Variants in ARMC2 observed in about 807,000 individuals in gnomAD.
ARMC2 encodes armadillo repeat containing 2.
In ARMC2, 67 loss-of-function variants were observed where a neutral mutation model predicts 90.3. The observed-to-expected ratio is 0.74, with a 90% CI of 0.61 to 0.91. ARMC2 has a LOEUF of 0.91. Ranked by LOEUF, ARMC2 falls within the 40% of genes least tolerant of loss-of-function variation. The pLI, the probability that ARMC2 is intolerant of heterozygous loss-of-function variation, is 0.00. For synonymous variants in ARMC2, 393 were observed against 393.0 expected (o/e 1.00, Z 0.00); for missense variants, 920 against 1,030.9 (o/e 0.89, Z 1.47).
At chr6:109,022,487 A>G in the ARMC2 span, among the ~76,000 whole-genome samples, 2 of 122,290 alleles carry the variant, frequency 1.6e-5, no homozygotes, top group South Asian at 5.2e-4. Context: ...CAGTGGCGCG[A>G]TCTCGGCTCA....
chr6:108,876,202 A>T lies in ARMC2; in HGVS notation c.523A>T (p.Asn175Tyr). Residue 175 changes from asparagine (N) to tyrosine (Y), a missense_variant, in exon 5 of 18, where the codon AAT becomes TAT. Transcript: ENST00000392644. ...VMMGDSMVKI[N>Y]GIYLTKSNAI... Reference sequence around the variant, plus strand: ...GATGGGGGACTCTATGGTGAAAATAAATGGGATTTATTTAACAAAATCAAA... The same window carrying T: ...GATGGGGGACTCTATGGTGAAAATATATGGGATTTATTTAACAAAATCAAA... 1 of 1,613,082 alleles carries T rather than the reference A, an allele frequency of 6.2e-7. No individual in the cohort carries two copies. Among genetic ancestry groups the T allele is most frequent in the African/African-American group, 1.3e-5 (1 of 75,016 alleles).
At chr6:108,904,161 C>A (rs1170979092) in intron 7 of ARMC2, 69 bp from the exon 8 acceptor site, 11 of 1,526,040 alleles carry the variant, frequency 7.2e-6, no homozygotes, top group Non-Finnish European at 8.9e-6. Context: ...CTTACACTGT[C>A]TGTGTTTGAC....
At chr6:109,031,194 A>G in the ARMC2 span, among the ~76,000 whole-genome samples, 1 of 152,146 alleles carries the variant, frequency 6.6e-6, no homozygotes, top group African/African-American at 2.4e-5. Flanking sequence ...CTGGCAGGAG[A>G]TGAGTGAGTT....
At chr6:108,923,564 G>A (rs1774806422) in intron 10 of ARMC2, among the ~76,000 whole-genome samples, 1 of 150,910 alleles carries the variant, frequency 6.6e-6, no homozygotes, top group South Asian at 2.1e-4. Flanking sequence ...GGGTTGACTT[G>A]GAACTTGCCT....
chr6:108,891,186 A>G (rs1235257857), intron 5 of ARMC2, among the ~76,000 whole-genome samples: 2 of 152,120 alleles, frequency 1.3e-5, no homozygotes, highest in East Asian at 1.9e-4. Context: ...AGTTTTTGCT[A>G]TTGTGAACAG....
At chr6:108,952,011 A>G (rs910964838) in intron 12 of ARMC2, among the ~76,000 whole-genome samples, 1 of 152,208 alleles carries the variant, frequency 6.6e-6, no homozygotes, top group Non-Finnish European at 1.5e-5. Context: ...CTTACCCTTC[A>G]CCAGCCATGT....
At chr6:108,976,927 A>G (rs369502808), downstream of ARMC2, among the ~76,000 whole-genome samples, 1 of 152,206 alleles carries the variant, frequency 6.6e-6, no homozygotes, top group East Asian at 1.9e-4. Flanking sequence ...TTTTCTAAAT[A>G]TACAGTCATA....
At chr6:108,921,222 C>G (rs553367492) in intron 10 of ARMC2, among the ~76,000 whole-genome samples, 1 of 152,258 alleles carries the variant, frequency 6.6e-6, no homozygotes, top group African/African-American at 2.4e-5. Flanking sequence ...TGAATACATA[C>G]ATAGCCACAA....
intron 6 of ARMC2, among the ~76,000 whole-genome samples, chr6:108,895,331 C>T (rs1771488999): frequency 6.6e-6 from 1 of 151,042 alleles, no homozygotes; most frequent in Non-Finnish European, 1.5e-5. Flanking sequence ...CAAAAATTAG[C>T]TACGCATGGT....
At chr6:108,941,511 C>A (rs1294211451) in intron 12 of ARMC2, among the ~76,000 whole-genome samples, 1 of 152,166 alleles carries the variant, frequency 6.6e-6, no homozygotes, top group Non-Finnish European at 1.5e-5. Flanking sequence ...GGGATTAATT[C>A]CCTAGGCCAA....
At chr6:108,971,607 G>A (rs1778768297) in intron 17 of ARMC2, among the ~76,000 whole-genome samples, 1 of 152,086 alleles carries the variant, frequency 6.6e-6, no homozygotes, top group African/African-American at 2.4e-5. Flanking sequence ...TTTGTAATAG[G>A]ATTTTCATTG....
At chr6:108,859,689 T>G (rs1046826714) in intron 3 of ARMC2, among the ~76,000 whole-genome samples, 5 of 152,302 alleles carry the variant, frequency 3.3e-5, no homozygotes, top group Middle Eastern at 3.4e-3. Context: ...TGTTTGCTCT[T>G]TCTAGAATTT....
chr6:108,875,335 T>C (rs1156856360), intron 4 of ARMC2, among the ~76,000 whole-genome samples: 1 of 152,130 alleles, frequency 6.6e-6, no homozygotes, highest in Admixed American at 6.5e-5. Context: ...AGGCTGGGCC[T>C]CCACAATCCA....
intron 12 of ARMC2, among the ~76,000 whole-genome samples, chr6:108,944,632 T>C (rs1473218775): frequency 1.3e-5 from 2 of 152,220 alleles, no homozygotes; most frequent in Non-Finnish European, 2.9e-5. Flanking sequence ...CCTGCAGATA[T>C]CGTGTTTTGA....
At chr6:108,864,997 A>ATTTTTTTTTTT (rs36025894) in intron 3 of ARMC2, among the ~76,000 whole-genome samples, 5 of 132,832 alleles carry the variant, frequency 3.8e-5, no homozygotes, top group African/African-American at 1.4e-4. Context: ...TCTCAAGTGA[A>ATTTTTTTTTTT]TTTTTTTTTT....
chr6:108,930,334 C>G (rs1035328215), intron 11 of ARMC2, among the ~76,000 whole-genome samples: 1 of 151,928 alleles, frequency 6.6e-6, no homozygotes, highest in Non-Finnish European at 1.5e-5. Flanking sequence ...TGCATATTAT[C>G]TACATATAAT....
chr6:108,855,553 G>A (rs1774486294), intron 2 of ARMC2, among the ~76,000 whole-genome samples: 1 of 152,098 alleles, frequency 6.6e-6, no homozygotes, highest in South Asian at 2.1e-4. Flanking sequence ...GCCCGGCCAA[G>A]TTTTCAACTC....
At chr6:108,933,693 C>T (rs1775754652) in intron 11 of ARMC2, among the ~76,000 whole-genome samples, 1 of 152,104 alleles carries the variant, frequency 6.6e-6, no homozygotes, top group Admixed American at 6.5e-5. Flanking sequence ...CTAGGACTTC[C>T]AATACTATGC....
At chr6:108,960,370 C>T (rs1252888015) in intron 13 of ARMC2, among the ~76,000 whole-genome samples, 1 of 152,222 alleles carries the variant, frequency 6.6e-6, no homozygotes, top group African/African-American at 2.4e-5. Flanking sequence ...CATCCTCACA[C>T]TGTGGCCAGA....
Sources: gnomAD v4.1 joint callset for allele counts (sites outside exome capture counted in the v4.1 genomes callset) on GRCh38, gnomAD v4.1.1 for gene constraint, MANE v1.5 for transcripts, NCBI Gene and HGNC (gene_info 2026-07-23, HGNC 2026-07-21) for gene names.